ACACA: variants seen among roughly 807,000 people sequenced by gnomAD.
ACACA encodes acetyl-CoA carboxylase 1.
ACACA carries 103 observed loss-of-function variants against 296.1 expected under a neutral mutation model. That is an observed-to-expected ratio of 0.35 (90% CI 0.30 to 0.41). The LOEUF is 0.41. ACACA is among the 10% of genes least tolerant of loss of function. The pLI is 1.00. For missense variants in ACACA, 1,554 were observed against 2,989.7 expected (o/e 0.52, Z 11.20); for synonymous variants, 953 against 1,038.6 (o/e 0.92, Z 1.58).
At chr17:37,364,391 C>G (rs1033229870) in intron 1 of ACACA, among the ~76,000 whole-genome samples, 1 of 151,960 alleles carries the variant, frequency 6.6e-6, no homozygotes, top group Non-Finnish European at 1.5e-5. Flanking sequence ...GTCAGGAGTT[C>G]GAGACCAGGC....
At chr17:37,282,436 C>T (rs1471275844) in intron 5 of ACACA, among the ~76,000 whole-genome samples, 1 of 152,122 alleles carries the variant, frequency 6.6e-6, no homozygotes. Context: ...TATAGCAATG[C>T]AAGAATGATC....
chr17:37,329,238 G>A (rs1352437161), intron 3 of ACACA, among the ~76,000 whole-genome samples: 1 of 152,154 alleles, frequency 6.6e-6, no homozygotes, highest in African/African-American at 2.4e-5. Flanking sequence ...AACACCTGGA[G>A]AAGTCCTATC....
chr17:37,117,659 C>T (rs1483004380), intron 50 of ACACA, among the ~76,000 whole-genome samples: 2 of 152,126 alleles, frequency 1.3e-5, no homozygotes, highest in African/African-American at 2.4e-5. Flanking sequence ...TTTAATTTTG[C>T]ATTATGCTGA....
At chr17:37,112,107 A>C (rs2074007443) in intron 51 of ACACA, among the ~76,000 whole-genome samples, 1 of 146,774 alleles carries the variant, frequency 6.8e-6, no homozygotes. Flanking sequence ...CACAGCTGTC[A>C]GTCTGCTTGT....
At chr17:37,295,792 G>A (rs1333832853) in intron 3 of ACACA, among the ~76,000 whole-genome samples, 1 of 152,078 alleles carries the variant, frequency 6.6e-6, no homozygotes, top group South Asian at 2.1e-4. Context: ...GGGCGTGGTG[G>A]TGGGCACCTA....
chr17:37,152,140 ACT>A (rs2076072195), intron 43 of ACACA, among the ~76,000 whole-genome samples: 1 of 152,150 alleles, frequency 6.6e-6, no homozygotes, highest in Admixed American at 6.6e-5. Flanking sequence ...CAGGAGTGTG[ACT>A]CTAGAAATAA....
intron 2 of ACACA, among the ~76,000 whole-genome samples, chr17:37,339,335 G>A (rs1715000): frequency 0.024 from 3,653 of 152,256 alleles, 130 homozygotes; most frequent in African/African-American, 0.083. Context: ...AATAAAACAC[G>A]GTTCCTGGGC....
chr17:37,193,340 T>C lies in ACACA; in HGVS notation c.4200+34A>G, dbSNP rs1051390686. 2.6e-6 allele frequency: 4 copies of C among 1,521,146 alleles called. No homozygotes were observed. In the African/African-American group the frequency reaches 5.5e-5, roughly 21 times the overall value. The allele number at this position is 1,521,146 out of a possible 1,614,324, so 94.2% of individuals were successfully genotyped here. A position where few individuals can be genotyped will look rare whatever the true frequency, so the allele number is the denominator to read the frequency against. ...CTTGGGCTTTTAAGAAAAAGTAATT[T>C]TTTTTTTTAAATAGGAAAGAAATCA... On this transcript the variant is annotated intron_variant, in intron 36 of 55. Transcript: ENST00000616317.
At chr17:37,161,218 T>G (rs943334118) in intron 42 of ACACA, among the ~76,000 whole-genome samples, 76 of 152,040 alleles carry the variant, frequency 5.0e-4, no homozygotes, top group African/African-American at 1.7e-3. Context: ...TGACATGAGA[T>G]TCAAAGATGG....
At chr17:37,251,740 A>C (rs9906044) in intron 16 of ACACA, among the ~76,000 whole-genome samples, 1 of 152,116 alleles carries the variant, frequency 6.6e-6, no homozygotes, top group African/African-American at 2.4e-5. Flanking sequence ...GGACAGAATA[A>C]CTACTGCAGA....
At chr17:37,254,296 G>A (rs114420601) in intron 14 of ACACA, among the ~76,000 whole-genome samples, 115 of 152,266 alleles carry the variant, frequency 7.6e-4, no homozygotes, top group African/African-American at 2.4e-3. Flanking sequence ...AAGTATAGCT[G>A]ATAATTATAA....
At chr17:37,203,182 G>A (rs1163766518) in intron 33 of ACACA, among the ~76,000 whole-genome samples, 2 of 151,758 alleles carry the variant, frequency 1.3e-5, no homozygotes, top group Non-Finnish European at 2.9e-5. Flanking sequence ...GGCTGGTCTT[G>A]AACTCCTGAC....
chr17:37,344,360 C>T (rs1175498510), intron 1 of ACACA, among the ~76,000 whole-genome samples: 1 of 151,868 alleles, frequency 6.6e-6, no homozygotes, highest in African/African-American at 2.4e-5. Context: ...GAGTTCGAGA[C>T]CAGCCTGGCC....
At chr17:37,326,349 T>C (rs564020450) in intron 3 of ACACA, among the ~76,000 whole-genome samples, 5 of 150,780 alleles carry the variant, frequency 3.3e-5, no homozygotes, top group African/African-American at 9.8e-5. Context: ...TAGCCTAACA[T>C]GGAGAAACCC....
intron 40 of ACACA, 82 bp downstream of exon 40, chr17:37,181,119 C>T: frequency 2.6e-6 from 4 of 1,522,888 alleles, no homozygotes; most frequent in Non-Finnish European, 3.6e-6. Context: ...GTGCCCCCTT[C>T]TAGCCAAAAC....
At chr17:37,366,305 A>G (rs190961340) in intron 1 of ACACA, among the ~76,000 whole-genome samples, 3 of 152,244 alleles carry the variant, frequency 2.0e-5, no homozygotes, top group Admixed American at 6.5e-5. Context: ...TTGTTATTAT[A>G]TATGAAACAC....
rs961165895 is a variant in ACACA at position 37,299,761 on chromosome 17, G to A, written c.339-14791C>T. On this transcript the variant is annotated intron_variant, in intron 3 of 55. Coordinates refer to ENST00000616317, the MANE Select transcript of ACACA (RefSeq NM_198834.3). ...GGAGAAAAGCTCCACTGCCTCTCCT[G>A]GCTGCCAGGAGCACATGACAGGGAA... 4.0e-6 allele frequency: 4 copies of A among 998,040 alleles called. No homozygotes were observed. In the African/African-American group the frequency reaches 7.0e-5, roughly 17 times the overall value. The allele number at this position is 998,040 out of a possible 1,614,324, so 61.8% of individuals were successfully genotyped here.
chr17:37,200,330 A>C, intron 34 of ACACA, 97 bp downstream of exon 34: 1 of 1,391,498 alleles, frequency 7.2e-7, no homozygotes, highest in Admixed American at 1.7e-5. Flanking sequence ...TTCTCTGCAT[A>C]AATCCTATTA....
intron 50 of ACACA, among the ~76,000 whole-genome samples, chr17:37,117,837 C>G (rs2074332495): frequency 6.6e-6 from 1 of 151,112 alleles, no homozygotes; most frequent in African/African-American, 2.4e-5. Flanking sequence ...ATAGCAAGAG[C>G]TGTCTCTAAT....
Sources: gnomAD v4.1 joint callset for allele counts (sites outside exome capture counted in the v4.1 genomes callset) on GRCh38, gnomAD v4.1.1 for gene constraint, MANE v1.5 for transcripts, NCBI Gene and HGNC (gene_info 2026-07-23, HGNC 2026-07-21) for gene names.